Variants in PLXNA4 observed in about 807,000 individuals in gnomAD.
PLXNA4 encodes the protein plexin A4.
A neutral mutation model predicts 191.8 loss-of-function variants in PLXNA4; 44 were observed. The observed-to-expected ratio is 0.23, with a 90% confidence interval of 0.18 to 0.29. PLXNA4 has a LOEUF of 0.29. Ranked by LOEUF, PLXNA4 falls within the 10% of genes least tolerant of loss-of-function variation. PLXNA4 has a pLI of 1.00. For missense variants in PLXNA4, 1,800 were observed against 2,488.8 expected, an observed-to-expected ratio of 0.72 and a Z score of 5.89; for synonymous variants, 1,082 against 1,009.5, an observed-to-expected ratio of 1.07 and a Z score of -1.36.
intron 3 of PLXNA4, among the ~76,000 whole-genome samples, chr7:132,316,369 C>G (rs553974385): frequency 6.6e-6 from 1 of 152,226 alleles, no homozygotes; most frequent in East Asian, 1.9e-4. Flanking sequence ...AACATAAACT[C>G]AATCAACTGA....
intron 1 of PLXNA4, among the ~76,000 whole-genome samples, chr7:132,544,346 T>C (rs1413655472): frequency 6.6e-6 from 1 of 152,226 alleles, no homozygotes. Flanking sequence ...GACAACCTCT[T>C]GGAGAGTCAG....
intron 3 of PLXNA4, among the ~76,000 whole-genome samples, chr7:132,324,906 T>C (rs1451761589): frequency 6.6e-6 from 1 of 152,112 alleles, no homozygotes; most frequent in Non-Finnish European, 1.5e-5. Flanking sequence ...TGATGGGTTA[T>C]AGAAAGCAGA....
chr7:132,647,132 GACTT>G (rs1304387499), intron 1 of PLXNA4, among the ~76,000 whole-genome samples: 1 of 147,822 alleles, frequency 6.8e-6, no homozygotes, highest in Non-Finnish European at 1.5e-5. Flanking sequence ...CACATACACT[GACTT>G]ACACACATGC....
rs953794737 is a variant in PLXNA4, at chr7:132,124,992, C to T, written c.*5487G>A. ...TCTATATACTTTTAAAACTTGGATACTCCCTCTAATAAAATAATTTTATGG... is the reference window on the plus strand; with the variant it reads ...TCTATATACTTTTAAAACTTGGATATTCCCTCTAATAAAATAATTTTATGG... On this transcript the variant is annotated 3_prime_UTR_variant, in exon 32 of 32. Transcript: ENST00000321063. 3 of 56,942 alleles carry T rather than the reference C, an allele frequency of 5.3e-5. No individual in the cohort carries two copies. The highest frequency in any genetic ancestry group is 1.0e-4 in the Non-Finnish European group (3 of 29,566). 3.5% of individuals were successfully genotyped at this position (56,942 alleles called of 1,614,324 possible). A position where few individuals can be genotyped will look rare whatever the true frequency, so the allele number is the denominator to read the frequency against.
chr7:132,285,380 T>C (rs1187706646), intron 4 of PLXNA4, among the ~76,000 whole-genome samples: 1 of 152,234 alleles, frequency 6.6e-6, no homozygotes, highest in Non-Finnish European at 1.5e-5. Flanking sequence ...GAAGGATATA[T>C]TCTCTACCTG....
chr7:132,188,252 G>C (rs1352297986), intron 14 of PLXNA4, among the ~76,000 whole-genome samples: 5 of 152,198 alleles, frequency 3.3e-5, no homozygotes, highest in Non-Finnish European at 7.3e-5. Flanking sequence ...GCCAGAATGG[G>C]ACCAGTGAGG....
chr7:132,365,356 T>TGCGC lies in PLXNA4; in HGVS notation c.1372-67135_1372-67134insGCGC, dbSNP rs1382113654. On this transcript the variant is annotated intron_variant, in intron 3 of 31. Transcript: ENST00000321063. ...GTGTGTGTGTGTGTGTGTGTGTGTG[T>TGCGC]GTGTGCGTGCGCGCGCATGCATGGG... is the stretch of plus-strand genomic sequence containing the variant. 9.3e-3 allele frequency among the ~76,000 whole-genome samples: 819 copies of TGCGC among 87,688 alleles called. 11 individuals carry two copies. Among genetic ancestry groups the TGCGC allele is most frequent in the African/African-American group, 0.044 (770 of 17,640 alleles). The allele number at this position is 87,688 out of a possible 152,430, so 57.5% of individuals were successfully genotyped here. A position where few individuals can be genotyped will look rare whatever the true frequency, so the allele number is the denominator to read the frequency against.
In PLXNA4 at chr7:132,179,818, A is replaced by C. The variant is rs772273752; in HGVS notation, c.3743T>G (p.Leu1248Arg). Residue 1248 changes from leucine to arginine, a missense_variant, in exon 20 of 32, where the codon CTC (leucine) becomes CGC (arginine). Physicochemically the swap from Leu to Arg is moderately radical, Grantham distance 102. Transcript: ENST00000321063. ...CACGGCCACGATGAAAATGATGAGG[A>C]GGCCGCCAGCCACTGCGATGCTGAC... ...AIVSIAVAGG[L>R]LIIFIVAVLI... 6.2e-7 allele frequency: 1 copy of C among 1,612,494 alleles called. No homozygotes were observed. The highest frequency in any genetic ancestry group is 2.2e-5 in the East Asian group (1 of 44,832).
intron 1 of PLXNA4, among the ~76,000 whole-genome samples, chr7:132,569,837 C>T (rs1168394810): frequency 6.6e-6 from 1 of 152,206 alleles, no homozygotes. Flanking sequence ...GAGGTGGACT[C>T]TGTACCTATC....
intron 10 of PLXNA4, among the ~76,000 whole-genome samples, chr7:132,208,677 TC>T (rs1411752528): frequency 6.6e-6 from 1 of 152,136 alleles, no homozygotes; most frequent in Non-Finnish European, 1.5e-5. Context: ...GATGTGAAAT[TC>T]CCAGGGGAGG....
chr7:132,141,187 G>A (rs1795257617), intron 29 of PLXNA4, among the ~76,000 whole-genome samples: 1 of 152,116 alleles, frequency 6.6e-6, no homozygotes, highest in Non-Finnish European at 1.5e-5. Context: ...CCTAAGCCTG[G>A]TACAAGAGCA....
chr7:132,480,410 T>C (rs1266050960), intron 3 of PLXNA4, among the ~76,000 whole-genome samples: 1 of 152,102 alleles, frequency 6.6e-6, no homozygotes, highest in Non-Finnish European at 1.5e-5. Context: ...TGCAAAGCAA[T>C]AATGACCCGT....
rs560939272 is a variant in PLXNA4, at chr7:132,573,837, C to T, written c.-87+2585G>A. 1.8e-4 allele frequency among the ~76,000 whole-genome samples: 28 copies of T among 152,202 alleles called. No individual in the cohort carries two copies. The East Asian group carries it at 4.8e-3, about 26-fold the overall frequency. On this transcript the variant is annotated intron_variant, in intron 1 of 31. Transcript: ENST00000321063. ...CTCACAGGAGAGCTGCCTTAAGCAC[C>T]GTCTACCAGGCAGCGAGGGTCTGCT...
intron 2 of PLXNA4, among the ~76,000 whole-genome samples, chr7:132,623,737 C>T (rs1000321191): frequency 7.9e-5 from 12 of 152,170 alleles, no homozygotes; most frequent in Admixed American, 7.9e-4. Context: ...AACAACCACT[C>T]CAAAGGCCTT....
intron 16 of PLXNA4, among the ~76,000 whole-genome samples, chr7:132,184,098 C>G (rs1283361702): frequency 6.6e-5 from 10 of 152,368 alleles, no homozygotes; most frequent in Non-Finnish European, 1.0e-4. Flanking sequence ...GGACTGGACA[C>G]ATCCCTGCTC....
In PLXNA4 at chr7:132,413,628, C is replaced by T. The variant is rs561138705; in HGVS notation, c.1371+75664G>A. 2.9e-3 allele frequency among the ~76,000 whole-genome samples: 443 copies of T among 152,326 alleles called. 2 individuals carry two copies. Among genetic ancestry groups the T allele is most frequent in the Admixed American group, 4.9e-3 (75 of 15,310 alleles). On this transcript the variant is annotated intron_variant, in intron 3 of 31. Transcript: ENST00000321063. The stretch of plus-strand genomic sequence containing the variant: ...GTGCCTTACAAATGGAGTTACTCCA[C>T]GGTTCTGGTTGCCTGAAACTGCTGG...
chr7:132,564,959 C>T (rs544622122), intron 1 of PLXNA4, among the ~76,000 whole-genome samples: 23 of 152,016 alleles, frequency 1.5e-4, no homozygotes, highest in African/African-American at 5.3e-4. Flanking sequence ...TTCTCCTTTC[C>T]GACCTGCCAT....
intron 3 of PLXNA4, among the ~76,000 whole-genome samples, chr7:132,404,786 A>G (rs1168851349): frequency 6.6e-6 from 1 of 152,150 alleles, no homozygotes; most frequent in East Asian, 1.9e-4. Context: ...AAGCTGGTGT[A>G]GGTTGTGATT....
chr7:132,343,747 C>T (rs1484074789), intron 3 of PLXNA4, among the ~76,000 whole-genome samples: 3 of 152,132 alleles, frequency 2.0e-5, no homozygotes, highest in African/African-American at 7.2e-5. Context: ...GGTGAAATCC[C>T]ATCTCTACAG....
Sources: gnomAD v4.1 joint callset for allele counts (sites outside exome capture counted in the v4.1 genomes callset) on GRCh38, gnomAD v4.1.1 for gene constraint, MANE v1.5 for transcripts, NCBI Gene and HGNC (gene_info 2026-07-23, HGNC 2026-07-21) for gene names.